Variants in DPP6 observed in about 807,000 individuals in gnomAD.
DPP6 encodes A-type potassium channel modulatory protein DPP6.
In DPP6, 69 loss-of-function variants were observed where a neutral mutation model predicts 122.6. That is an observed-to-expected ratio of 0.56 (90% CI 0.46 to 0.69). The LOEUF (loss-of-function observed/expected upper bound fraction) is 0.69, where lower values mean the gene tolerates loss of function less well. Ranked by LOEUF, DPP6 falls within the 30% of genes least tolerant of loss-of-function variation. The pLI is 0.00. For missense variants in DPP6, 928 were observed against 1,116.9 expected, an observed-to-expected ratio of 0.83 and a Z score of 2.41; for synonymous variants, 418 against 433.1, an observed-to-expected ratio of 0.97 and a Z score of 0.43.
Position 153,909,388 on chromosome 7 carries a change from TG to T in DPP6, c.51+21657del, listed in dbSNP as rs1412089226. Among the ~76,000 whole-genome samples, 3 of 152,074 alleles carry T rather than the reference TG, an allele frequency of 2.0e-5. No homozygotes were observed. In the East Asian group the frequency reaches 5.8e-4, roughly 30 times the overall value. ...TTGGAGCAGTTGGTGTTTATGCTGCTGGGTTGTTTTTATTGAGGACAAACAT... is the reference window on the plus strand; with the variant it reads ...TTGGAGCAGTTGGTGTTTATGCTGCTGGTTGTTTTTATTGAGGACAAACAT... On this transcript the variant is annotated intron_variant, in intron 1 of 25. Coordinates refer to the DPP6 transcript ENST00000404039.
chr7:154,415,032 T>C (rs1010653237), intron 1 of DPP6, among the ~76,000 whole-genome samples: 1 of 152,144 alleles, frequency 6.6e-6, no homozygotes, highest in Admixed American at 6.5e-5. Context: ...CTGCAGGGCC[T>C]TTGTCCATAC....
chr7:153,965,726 C>T (rs953309828), intron 1 of DPP6, among the ~76,000 whole-genome samples: 18 of 151,874 alleles, frequency 1.2e-4, no homozygotes, highest in African/African-American at 4.4e-4. Context: ...TGCGGTGGCT[C>T]ACACCTGTAA....
chr7:154,349,492 T>C (rs952820072), intron 1 of DPP6, among the ~76,000 whole-genome samples: 1 of 152,182 alleles, frequency 6.6e-6, no homozygotes, highest in Admixed American at 6.5e-5. Flanking sequence ...TTTTTTGATG[T>C]CCAGGTACAG....
intron 1 of DPP6, among the ~76,000 whole-genome samples, chr7:154,319,774 C>T (rs751876146): frequency 1.3e-5 from 2 of 151,600 alleles, no homozygotes; most frequent in Non-Finnish European, 2.9e-5. Flanking sequence ...GGGCAGATCA[C>T]GAGGTCAGGA....
the DPP6 span, among the ~76,000 whole-genome samples, chr7:153,773,264 C>CGT: frequency 0.035 from 4,667 of 132,412 alleles, 143 homozygotes; most frequent in African/African-American, 0.07. Flanking sequence ...TCTTTTCTTT[C>CGT]GTGTGTGTGT....
At chr7:154,136,536 T>G (rs1035783888) in intron 1 of DPP6, among the ~76,000 whole-genome samples, 7 of 152,210 alleles carry the variant, frequency 4.6e-5, no homozygotes, top group African/African-American at 7.2e-5. Flanking sequence ...TGTGTTCTGT[T>G]GTCAATACAT....
At chr7:154,159,779 A>G (rs1185682194) in intron 1 of DPP6, among the ~76,000 whole-genome samples, 4 of 152,242 alleles carry the variant, frequency 2.6e-5, no homozygotes, top group African/African-American at 7.2e-5. Context: ...TCCCAACAGC[A>G]CTATTAGTTG....
chr7:154,250,641 G>GA lies in DPP6; in HGVS notation c.244-195566dup, dbSNP rs755683698. On this transcript the variant is annotated intron_variant, in intron 1 of 25. Coordinates refer to ENST00000377770, the MANE Select transcript of DPP6 (RefSeq NM_130797.4). ...TGAATTCAGACAGCTTTATTTAATG[G>GA]AAAAAAATGTCTTGCCTGTTTCTAA... Among the ~76,000 whole-genome samples the GA allele has an allele frequency of 2.8e-4, 42 of 152,150 alleles. 1 individual carries two copies. The highest frequency in any genetic ancestry group is 1.5e-3 in the Admixed American group (23 of 15,282).
intron 3 of DPP6, among the ~76,000 whole-genome samples, chr7:154,518,751 T>C (rs1452809772): frequency 2.0e-5 from 3 of 152,232 alleles, no homozygotes; most frequent in African/African-American, 7.2e-5. Flanking sequence ...TTAGTAGTCC[T>C]GACGCTTCAT....
At chr7:153,979,926 C>G (rs39141) in intron 1 of DPP6, among the ~76,000 whole-genome samples, 27,695 of 151,960 alleles carry the variant, frequency 0.18, 2,868 homozygotes, top group East Asian at 0.35. Context: ...GCTTTTTGAT[C>G]TGCTGCTGTA....
chr7:154,097,994 C>A (rs1805453316), intron 1 of DPP6, among the ~76,000 whole-genome samples: 1 of 152,158 alleles, frequency 6.6e-6, no homozygotes, highest in African/African-American at 2.4e-5. Flanking sequence ...AGGAGCAATT[C>A]ATAAAATCCA....
the DPP6 span, among the ~76,000 whole-genome samples, chr7:153,878,322 C>G: frequency 6.6e-6 from 1 of 151,496 alleles, no homozygotes; most frequent in African/African-American, 2.4e-5. Flanking sequence ...ATGTGTAAAT[C>G]AAGACTGTAA....
In DPP6 at chr7:154,515,692, T is replaced by C. The variant is rs566452447; in HGVS notation, c.458-24840T>C. Among the ~76,000 whole-genome samples the C allele has an allele frequency of 7.9e-5, 12 of 152,276 alleles. No homozygotes were observed. In the East Asian group the frequency reaches 1.5e-3, roughly 20 times the overall value. On this transcript the variant is annotated intron_variant, in intron 3 of 25. Transcript: ENST00000377770. ...GGGTGTTTCACCGTGTTAGCCAGGATGGTCTCGAAATCCTGACCTGATCCG... is the reference window on the plus strand; with the variant it reads ...GGGTGTTTCACCGTGTTAGCCAGGACGGTCTCGAAATCCTGACCTGATCCG...
chr7:154,363,317 G>C (rs1198349412), intron 1 of DPP6, among the ~76,000 whole-genome samples: 1 of 152,174 alleles, frequency 6.6e-6, no homozygotes, highest in East Asian at 1.9e-4. Flanking sequence ...TGAGTTACTA[G>C]AACAGGAATT....
chr7:154,389,439 A>G (rs1814418751), intron 1 of DPP6, among the ~76,000 whole-genome samples: 1 of 110,784 alleles, frequency 9.0e-6, no homozygotes, highest in Non-Finnish European at 2.2e-5. Context: ...GATTTCAAGA[A>G]GTTTTCCTTA....
At chr7:153,897,717 C>T (rs1340370448) in intron 1 of DPP6, among the ~76,000 whole-genome samples, 2 of 152,120 alleles carry the variant, frequency 1.3e-5, no homozygotes, top group African/African-American at 4.8e-5. Context: ...ATTTTTTATT[C>T]AATCATTGCC....
intron 1 of DPP6, among the ~76,000 whole-genome samples, chr7:154,115,027 C>T (rs1354574500): frequency 6.6e-6 from 1 of 152,204 alleles, no homozygotes; most frequent in Non-Finnish European, 1.5e-5. Flanking sequence ...GGGTTCACAT[C>T]TTGTTTTCTT....
At chr7:154,825,735 A>T (rs1162529805) in intron 16 of DPP6, among the ~76,000 whole-genome samples, 3 of 152,180 alleles carry the variant, frequency 2.0e-5, no homozygotes, top group African/African-American at 7.2e-5. Flanking sequence ...CTTCTCATTC[A>T]TATTCTGGTT....
At chr7:154,276,126 T>C (rs1245487009) in intron 1 of DPP6, among the ~76,000 whole-genome samples, 1 of 152,246 alleles carries the variant, frequency 6.6e-6, no homozygotes, top group Non-Finnish European at 1.5e-5. Context: ...AATACAATGC[T>C]TCTTTACTGA....
Sources: allele counts gnomAD v4.1 joint callset (sites outside exome capture counted in the v4.1 genomes callset), GRCh38; gene constraint gnomAD v4.1.1; transcripts MANE v1.5; gene names NCBI Gene and HGNC (gene_info 2026-07-23, HGNC 2026-07-21).